The following USH2A variants were observed in gnomAD, a reference collection of about 807,000 sequenced individuals.
The protein encoded by USH2A is Usher syndrome 2A (autosomal recessive, mild).
In USH2A, 443 loss-of-function variants were observed where a neutral mutation model predicts 538.9. The ratio of observed to expected loss-of-function variants is 0.82; its 90% CI spans 0.76 to 0.89. USH2A has a LOEUF of 0.89. Among genes scored for constraint, USH2A ranks in the 40% least tolerant of loss-of-function variants. The pLI, the probability that USH2A is intolerant of heterozygous loss-of-function variation, is 0.00. For missense variants in USH2A, 6,633 were observed against 6,324.8 expected (o/e 1.05, Z -1.65); for synonymous variants, 2,413 against 2,273.5 (o/e 1.06, Z -1.75).
intron 14 of USH2A, among the ~76,000 whole-genome samples, chr1:216,228,267 C>T (rs2035600091): frequency 6.6e-6 from 1 of 151,844 alleles, no homozygotes; most frequent in Non-Finnish European, 1.5e-5. Flanking sequence ...ATGAAGAGGC[C>T]AAAGAACTGC....
At chr1:216,325,677 T>A in intron 5 of USH2A, 78 bp from the exon 6 acceptor site, 1 of 1,393,476 alleles carries the variant, frequency 7.2e-7, no homozygotes, top group Non-Finnish European at 9.8e-7. Flanking sequence ...TACAAATGAA[T>A]GTCACTCGTT....
At chr1:215,630,478 GTGTGTATATATATA>G (rs1305417874) in intron 70 of USH2A, among the ~76,000 whole-genome samples, 4 of 35,170 alleles carry the variant, frequency 1.1e-4, no homozygotes, top group African/African-American at 3.1e-4. Context: ...GTGTATGTGT[GTGTGTATATATATA>G]TATATATATA....
At chr1:216,033,401 C>G (rs951901121) in intron 32 of USH2A, among the ~76,000 whole-genome samples, 1 of 152,110 alleles carries the variant, frequency 6.6e-6, no homozygotes, top group Non-Finnish European at 1.5e-5. Context: ...ATGTAAAGAA[C>G]TGGGGAAAGT....
At chr1:215,955,376 C>T (rs1667037865) in intron 37 of USH2A, among the ~76,000 whole-genome samples, 1 of 152,084 alleles carries the variant, frequency 6.6e-6, no homozygotes, top group African/African-American at 2.4e-5. Flanking sequence ...CACAATAAAA[C>T]AACATATGAT....
intron 61 of USH2A, among the ~76,000 whole-genome samples, chr1:215,720,720 G>T (rs1444187996): frequency 6.6e-6 from 1 of 152,158 alleles, no homozygotes; most frequent in Non-Finnish European, 1.5e-5. Flanking sequence ...GCAAAAAAAG[G>T]TTGTAGGGTG....
chr1:215,908,419 C>A (rs1359990005), intron 38 of USH2A, among the ~76,000 whole-genome samples: 1 of 151,730 alleles, frequency 6.6e-6, no homozygotes, highest in East Asian at 1.9e-4. Context: ...AAATTTAGTT[C>A]TTGGAGAACT....
intron 21 of USH2A, among the ~76,000 whole-genome samples, chr1:216,142,569 C>G (rs910137442): frequency 3.9e-5 from 6 of 152,046 alleles, no homozygotes; most frequent in African/African-American, 1.4e-4. Context: ...TGTGGGGGTT[C>G]GAAGCAACAT....
intron 59 of USH2A, 143 bp from the exon 60 acceptor site, chr1:215,741,680 T>C: frequency 1.1e-6 from 1 of 935,908 alleles, no homozygotes; most frequent in Non-Finnish European, 1.5e-6. Context: ...TTTAAATAAA[T>C]TTTTATGGGA....
Position 215,648,515 on chromosome 1 carries a change from C to T in USH2A, c.14582+13G>A. The stretch of plus-strand genomic sequence containing the variant: ...CCTTGTTAGTTTCTTCATCCTTCTG[C>T]CTGACCCATTACCTGTGAATGACAC... On this transcript the variant is annotated intron_variant, in intron 66 of 71. Coordinates refer to ENST00000307340, the MANE Select transcript of USH2A (RefSeq NM_206933.4). 6.2e-7 allele frequency: 1 copy of T among 1,612,944 alleles called. No homozygotes were observed. The highest frequency in any genetic ancestry group is 8.5e-7 in the Non-Finnish European group (1 of 1,178,952).
chr1:216,127,461 C>G (rs561268387), intron 21 of USH2A, among the ~76,000 whole-genome samples: 1 of 152,238 alleles, frequency 6.6e-6, no homozygotes, highest in East Asian at 1.9e-4. Flanking sequence ...ATTATTGGAT[C>G]CACTTCCTCT....
intron 21 of USH2A, among the ~76,000 whole-genome samples, chr1:216,126,786 C>A (rs1306150623): frequency 6.6e-6 from 1 of 152,042 alleles, no homozygotes; most frequent in African/African-American, 2.4e-5. Context: ...AAAGTTGAAG[C>A]CTTCATTCCA....
chr1:216,309,949 G>A (rs952178082), intron 9 of USH2A, among the ~76,000 whole-genome samples: 3 of 151,914 alleles, frequency 2.0e-5, no homozygotes, highest in African/African-American at 7.2e-5. Context: ...GTTTTATTTT[G>A]AATATTTTGT....
At chr1:216,000,605 T>G (rs2102483378) in intron 32 of USH2A, 43 bp from the exon 33 acceptor site, 1 of 1,609,966 alleles carries the variant, frequency 6.2e-7, no homozygotes, top group East Asian at 2.2e-5. Context: ...GCATTATACT[T>G]CTTATTGAGG....
chr1:216,227,752 G>A (rs2035590333), intron 14 of USH2A, among the ~76,000 whole-genome samples: 1 of 152,174 alleles, frequency 6.6e-6, no homozygotes, highest in African/African-American at 2.4e-5. Flanking sequence ...CAGATTATCT[G>A]CAAGGGCAAG....
chr1:216,138,423 C>T (rs17026164), intron 21 of USH2A, among the ~76,000 whole-genome samples: 9,295 of 152,218 alleles, frequency 0.061, 364 homozygotes, highest in East Asian at 0.18. Context: ...TTATGTAGTC[C>T]GTGCAGCTAT....
intron 37 of USH2A, among the ~76,000 whole-genome samples, chr1:215,954,729 A>T (rs1667021090): frequency 6.6e-6 from 1 of 151,874 alleles, no homozygotes; most frequent in African/African-American, 2.4e-5. Flanking sequence ...ATAAAAAAAA[A>T]CAATTGAAAA....
chr1:215,909,296 G>A (rs1273733755), intron 38 of USH2A, among the ~76,000 whole-genome samples: 2 of 151,886 alleles, frequency 1.3e-5, no homozygotes, highest in Non-Finnish European at 2.9e-5. Flanking sequence ...GGGGAGGGCT[G>A]TATGAATGAA....
intron 37 of USH2A, among the ~76,000 whole-genome samples, chr1:215,957,141 T>C (rs1667088041): frequency 6.6e-6 from 1 of 152,176 alleles, no homozygotes. Context: ...TAAGAGACAT[T>C]TGCTTCCAAA....
intron 3 of USH2A, among the ~76,000 whole-genome samples, chr1:216,374,724 G>T (rs1424317661): frequency 6.6e-6 from 1 of 151,994 alleles, no homozygotes; most frequent in African/African-American, 2.4e-5. Context: ...GTATTTCAGT[G>T]CTCAAGTTGT....
Sources: gnomAD v4.1 joint callset for allele counts (sites outside exome capture counted in the v4.1 genomes callset) on GRCh38, gnomAD v4.1.1 for gene constraint, MANE v1.5 for transcripts, NCBI Gene and HGNC (gene_info 2026-07-23, HGNC 2026-07-21) for gene names.